KHDRBS2: variants seen among roughly 807,000 people sequenced by gnomAD.
The protein encoded by KHDRBS2 is KH domain-containing, RNA-binding, signal transduction-associated protein 2.
In KHDRBS2, 26 loss-of-function variants were observed where a neutral mutation model predicts 44.3. The observed-to-expected ratio is 0.59, with a 90% CI of 0.43 to 0.81. KHDRBS2 has a LOEUF of 0.81. Ranked by LOEUF, KHDRBS2 falls within the 40% of genes least tolerant of loss-of-function variation. The pLI is 0.00. For missense variants in KHDRBS2, 476 were observed against 433.1 expected, an observed-to-expected ratio of 1.10 and a Z score of -0.88; for synonymous variants, 194 against 151.1, an observed-to-expected ratio of 1.28 and a Z score of -2.08.
chr6:62,255,143 A>T (rs1037428491), intron 1 of KHDRBS2, among the ~76,000 whole-genome samples: 15 of 151,996 alleles, frequency 9.9e-5, no homozygotes, highest in Non-Finnish European at 1.9e-4. Flanking sequence ...TCAATTTACA[A>T]ATAGATCATC....
Position 61,777,092 on chromosome 6 carries a change from A to G in KHDRBS2, c.811-44328T>C, listed in dbSNP as rs1455683213. ...TCATAGGTGGGAACTGAACAATGAG[A>G]ACACATGGACACAGGAAGGGGAACA... is the stretch of plus-strand genomic sequence containing the variant. On this transcript the variant is annotated intron_variant, in intron 6 of 8. Coordinates refer to ENST00000281156, the MANE Select transcript of KHDRBS2 (RefSeq NM_152688.4). 2.6e-5 allele frequency among the ~76,000 whole-genome samples: 4 copies of G among 151,758 alleles called. No homozygotes were observed. The East Asian group carries it at 7.8e-4, about 30-fold the overall frequency.
intron 4 of KHDRBS2, among the ~76,000 whole-genome samples, chr6:61,949,717 T>C (rs759792479): frequency 1.9e-4 from 29 of 152,052 alleles, no homozygotes; most frequent in Non-Finnish European, 3.4e-4. Flanking sequence ...TTTTTGTGTA[T>C]TTGTATAAAA....
chr6:61,957,420 A>C (rs1367033705), intron 4 of KHDRBS2, among the ~76,000 whole-genome samples: 1 of 152,096 alleles, frequency 6.6e-6, no homozygotes, highest in Non-Finnish European at 1.5e-5. Context: ...TAAATGGGAG[A>C]AATATTGCTG....
intron 6 of KHDRBS2, among the ~76,000 whole-genome samples, chr6:61,755,311 G>T (rs1582628329): frequency 6.6e-6 from 1 of 152,100 alleles, no homozygotes. Context: ...AGTTCTTAAA[G>T]TTCTTCAAGT....
At chr6:61,550,521 G>A in the KHDRBS2 span, among the ~76,000 whole-genome samples, 1 of 152,192 alleles carries the variant, frequency 6.6e-6, no homozygotes, top group East Asian at 1.9e-4. Context: ...TGTCTTTATG[G>A]TAGAATGATT....
At chr6:61,870,951 C>T (rs1413732462) in intron 6 of KHDRBS2, among the ~76,000 whole-genome samples, 2 of 152,206 alleles carry the variant, frequency 1.3e-5, no homozygotes, top group Admixed American at 1.3e-4. Flanking sequence ...GCCTCTTCTC[C>T]TCCAAAGGAT....
intron 6 of KHDRBS2, among the ~76,000 whole-genome samples, chr6:61,799,020 G>T (rs376509406): frequency 2.0e-5 from 3 of 151,994 alleles, no homozygotes; most frequent in African/African-American, 7.2e-5. Flanking sequence ...AAAGGAACAG[G>T]TGAAAAACTA....
chr6:61,572,406 GTACCAATCT>G, the KHDRBS2 span, among the ~76,000 whole-genome samples: 1 of 152,178 alleles, frequency 6.6e-6, no homozygotes, highest in African/African-American at 2.4e-5. Flanking sequence ...AGAAGAATCA[GTACCAATCT>G]TACTGAAATT....
chr6:61,660,159 C>G, the KHDRBS2 span, among the ~76,000 whole-genome samples: 1 of 151,780 alleles, frequency 6.6e-6, no homozygotes, highest in Non-Finnish European at 1.5e-5. Context: ...ACTTTATACA[C>G]AGTGTAGTTC....
At chr6:61,765,540 A>G (rs1189746957) in intron 6 of KHDRBS2, among the ~76,000 whole-genome samples, 1 of 152,152 alleles carries the variant, frequency 6.6e-6, no homozygotes, top group Non-Finnish European at 1.5e-5. Context: ...TGGGTACATA[A>G]TAGGCATGTA....
chr6:62,041,240 A>T (rs1584315516), intron 3 of KHDRBS2, among the ~76,000 whole-genome samples: 1 of 152,072 alleles, frequency 6.6e-6, no homozygotes, highest in South Asian at 2.1e-4. Context: ...CTGAGGCAGG[A>T]GAATCACTTG....
the KHDRBS2 span, among the ~76,000 whole-genome samples, chr6:61,654,958 C>A: frequency 6.6e-6 from 1 of 151,664 alleles, no homozygotes; most frequent in Non-Finnish European, 1.5e-5. Context: ...TGCCAGGGTA[C>A]TTACCCCCAA....
chr6:62,091,689 C>T (rs1200851855), intron 2 of KHDRBS2, among the ~76,000 whole-genome samples: 1 of 152,074 alleles, frequency 6.6e-6, no homozygotes. Context: ...TCAAAATTTA[C>T]AGGTCATCAA....
intron 1 of KHDRBS2, among the ~76,000 whole-genome samples, chr6:62,223,748 GA>G (rs1247566598): frequency 6.6e-6 from 1 of 152,088 alleles, no homozygotes; most frequent in African/African-American, 2.4e-5. Context: ...AGGGCAAGGG[GA>G]AAATGCCACC....
chr6:62,263,621 A>G (rs187573384), intron 1 of KHDRBS2, among the ~76,000 whole-genome samples: 5 of 151,890 alleles, frequency 3.3e-5, no homozygotes, highest in Admixed American at 1.3e-4. Context: ...TGTAACAGGA[A>G]AATCTGAGCA....
chr6:62,108,670 C>T (rs1804172338), intron 2 of KHDRBS2, among the ~76,000 whole-genome samples: 1 of 152,138 alleles, frequency 6.6e-6, no homozygotes, highest in Non-Finnish European at 1.5e-5. Flanking sequence ...CGGCACTATT[C>T]ACAATAGCAA....
intron 7 of KHDRBS2, among the ~76,000 whole-genome samples, chr6:61,703,208 A>G (rs1256271773): frequency 2.0e-5 from 3 of 151,908 alleles, no homozygotes; most frequent in Non-Finnish European, 2.9e-5. Context: ...AATGAAACAA[A>G]TGTAATAAAA....
At chr6:61,605,467 C>T in the KHDRBS2 span, among the ~76,000 whole-genome samples, 2 of 152,212 alleles carry the variant, frequency 1.3e-5, no homozygotes, top group Non-Finnish European at 2.9e-5. Flanking sequence ...CCTCTTTGGG[C>T]ACTCTCTAAT....
chr6:62,044,256 A>T (rs1024532406), intron 3 of KHDRBS2, among the ~76,000 whole-genome samples: 1 of 151,972 alleles, frequency 6.6e-6, no homozygotes, highest in African/African-American at 2.4e-5. Context: ...CTTGAGGATC[A>T]CTTGAATCCA....
Sources: allele counts gnomAD v4.1 joint callset (sites outside exome capture counted in the v4.1 genomes callset), GRCh38; gene constraint gnomAD v4.1.1; transcripts MANE v1.5; gene names NCBI Gene and HGNC (gene_info 2026-07-23, HGNC 2026-07-21).